PDE5A: variants seen among roughly 807,000 people sequenced by gnomAD.
PDE5A encodes the protein cGMP-specific 3',5'-cyclic phosphodiesterase.
A neutral mutation model predicts 110.2 loss-of-function variants in PDE5A; 67 were observed. The observed-to-expected ratio is 0.61, with a 90% confidence interval of 0.50 to 0.75. The LOEUF (loss-of-function observed/expected upper bound fraction) is 0.75, where lower values mean the gene tolerates loss of function less well. PDE5A is among the 30% of genes least tolerant of loss of function. The pLI, the probability that PDE5A is intolerant of heterozygous loss-of-function variation, is 0.00. For missense variants in PDE5A, 862 were observed against 1,045.1 expected (o/e 0.82, Z 2.42); for synonymous variants, 328 against 351.2 (o/e 0.93, Z 0.74).
chr4:119,525,822 C>A lies in PDE5A; in HGVS notation c.1633-127G>T. ...TTTTTTTCCTTTTTAATGAAAGACA[C>A]TAGAAACCTTTTTGTACAGTGGCAA... is the stretch of plus-strand genomic sequence containing the variant. On this transcript the variant is annotated intron_variant, in intron 11 of 20. Coordinates refer to ENST00000354960, the MANE Select transcript of PDE5A (RefSeq NM_001083.4). This position sits in a 1 kb window ranked among gnomAD's most constrained non-coding sequence, Gnocchi z 4.3. The A allele has an allele frequency of 1.2e-6, 1 of 863,376 alleles. No homozygotes were observed. The highest frequency in any genetic ancestry group is 2.8e-5 in the Admixed American group (1 of 35,478). 53.5% of individuals were successfully genotyped at this position (863,376 alleles called of 1,614,324 possible). A position where few individuals can be genotyped will look rare whatever the true frequency, so the allele number is the denominator to read the frequency against.
Position 119,606,816 on chromosome 4 carries a change from T to C in PDE5A, c.634A>G (p.Thr212Ala), listed in dbSNP as rs1285843267. The change falls in exon 2 of 21, where the codon ACA (threonine) becomes GCA (alanine). Residue 212 changes from threonine (T) to alanine (A), a missense_variant. By Grantham distance (58) the Thr-to-Ala change is moderately conservative. Transcript: ENST00000354960. ...CAGTTATTTGAAACTTCTTCCAGTG[T>C]TGAACCTTCAGCAACATCAAAGAGG... ...SRLFDVAEGSTLEEVSNNCIR... is the reference protein window; with the variant it reads ...SRLFDVAEGSALEEVSNNCIR... 1 of 1,614,212 alleles carries C rather than the reference T, an allele frequency of 6.2e-7. No individual in the cohort carries two copies. Among genetic ancestry groups the C allele is most frequent in the Admixed American group, 1.7e-5 (1 of 60,026 alleles).
intron 16 of PDE5A, among the ~76,000 whole-genome samples, chr4:119,506,219 CAG>C (rs1045475783): frequency 4.6e-5 from 7 of 151,468 alleles, no homozygotes; most frequent in African/African-American, 9.7e-5. Flanking sequence ...AAAAATGAAA[CAG>C]TATGAGTTAA....
chr4:119,607,784 A>C (rs944767915), intron 1 of PDE5A, among the ~76,000 whole-genome samples: 1 of 152,304 alleles, frequency 6.6e-6, no homozygotes, highest in African/African-American at 2.4e-5. Flanking sequence ...AATAGAGGAC[A>C]ATTGCTTTAA....
chr4:119,550,926 T>TA (rs1727331232), intron 9 of PDE5A, among the ~76,000 whole-genome samples: 1 of 152,226 alleles, frequency 6.6e-6, no homozygotes, highest in African/African-American at 2.4e-5. Flanking sequence ...TTGCTTATGT[T>TA]AGAGATCTGA....
At chr4:119,519,904 A>G (rs1726061722) in intron 13 of PDE5A, among the ~76,000 whole-genome samples, 1 of 152,138 alleles carries the variant, frequency 6.6e-6, no homozygotes, top group South Asian at 2.1e-4. Context: ...CTGAAATCCA[A>G]AATGCTTCCA....
At chr4:119,602,101 T>C (rs1160702295) in intron 2 of PDE5A, among the ~76,000 whole-genome samples, 6 of 152,194 alleles carry the variant, frequency 3.9e-5, no homozygotes, top group Non-Finnish European at 2.9e-5. Context: ...CTATGGACTG[T>C]TAATAGTCTT....
rs201435038 is a variant in PDE5A, at chr4:119,607,068, A to G, written c.382T>C (p.Ser128Pro). 4.4e-5 allele frequency: 71 copies of G among 1,614,138 alleles called. 1 individual carries two copies. The South Asian group carries it at 7.2e-4, about 16-fold the overall frequency. ...AGAGGCATCTGTTCCTTCTTTTCTG[A>G]GTCAGAGAGGAAGCTCACAGTTCCC... ...SEGTVSFLSD[S>P]EKKEQMPLTP... Residue 128 changes from serine to proline, a missense_variant, in exon 2 of 21, where the codon TCA becomes CCA. Physicochemically the swap from Ser to Pro is moderately conservative, Grantham distance 74 (BLOSUM62 -1). Transcript: ENST00000354960.
chr4:119,520,029 T>G (rs1412836555), intron 13 of PDE5A, among the ~76,000 whole-genome samples: 2 of 152,094 alleles, frequency 1.3e-5, no homozygotes, highest in Admixed American at 6.6e-5. Flanking sequence ...TTCCAAAGTC[T>G]GAAAAAAATC....
chr4:119,551,651 A>C (rs1303851221), intron 9 of PDE5A, among the ~76,000 whole-genome samples: 1 of 152,154 alleles, frequency 6.6e-6, no homozygotes, highest in African/African-American at 2.4e-5. Flanking sequence ...ACTCTTGCAC[A>C]GAACTTGGAC....
At chr4:119,565,957 ATTAATAT>A (rs1389922614) in intron 4 of PDE5A, among the ~76,000 whole-genome samples, 3 of 134,678 alleles carry the variant, frequency 2.2e-5, no homozygotes, top group Non-Finnish European at 3.3e-5. Context: ...ATTATTATTA[ATTAATAT>A]TATTATAATT....
chr4:119,628,512 C>T lies in PDE5A; in HGVS notation c.152+8G>A. 2.6e-6 allele frequency: 4 copies of T among 1,566,564 alleles called. No individual in the cohort carries two copies. Among genetic ancestry groups the T allele is most frequent in the South Asian group, 1.2e-5 (1 of 83,188 alleles). ...CAGCCCCGGGTCTTCCGTGGGTCCTCTTCTTACCTGGTGGCTTTTCTAACA... is the reference window on the plus strand; with the variant it reads ...CAGCCCCGGGTCTTCCGTGGGTCCTTTTCTTACCTGGTGGCTTTTCTAACA... On this transcript the variant is annotated splice_region_variant and intron_variant, in intron 1 of 20. Coordinates refer to ENST00000354960, the MANE Select transcript of PDE5A (RefSeq NM_001083.4).
At chr4:119,599,759 T>C (rs1000845161) in intron 2 of PDE5A, among the ~76,000 whole-genome samples, 5 of 142,360 alleles carry the variant, frequency 3.5e-5, no homozygotes, top group African/African-American at 1.0e-4. Context: ...ATACATATAT[T>C]TGGAGTCCCA....
chr4:119,544,647 CT>C (rs1020825648), intron 9 of PDE5A, among the ~76,000 whole-genome samples: 1 of 152,142 alleles, frequency 6.6e-6, no homozygotes, highest in African/African-American at 2.4e-5. Context: ...ACTTGATAGC[CT>C]TTTTCATAAA....
chr4:119,599,078 A>G (rs1318479111), intron 2 of PDE5A, among the ~76,000 whole-genome samples: 1 of 152,144 alleles, frequency 6.6e-6, no homozygotes, highest in African/African-American at 2.4e-5. Context: ...ACTCCTTAGG[A>G]GTAAGGACTA....
At chr4:119,622,650 G>T (rs1730190726) in intron 1 of PDE5A, among the ~76,000 whole-genome samples, 1 of 151,962 alleles carries the variant, frequency 6.6e-6, no homozygotes, top group African/African-American at 2.4e-5. Flanking sequence ...GAGGTGGGTG[G>T]ACCACGAGGT....
At chr4:119,578,167 A>G (rs1728438669) in intron 3 of PDE5A, among the ~76,000 whole-genome samples, 1 of 152,170 alleles carries the variant, frequency 6.6e-6, no homozygotes, top group Admixed American at 6.5e-5. Flanking sequence ...ACTACAAACC[A>G]CTGCTCAATG....
intron 3 of PDE5A, among the ~76,000 whole-genome samples, chr4:119,589,154 G>T (rs34676199): frequency 0.1 from 15,607 of 151,956 alleles, 1,030 homozygotes; most frequent in Non-Finnish European, 0.15. Flanking sequence ...AAATTTCAGA[G>T]AATTCAGAGA....
chr4:119,609,160 T>A (rs1729650185), intron 1 of PDE5A, among the ~76,000 whole-genome samples: 2 of 149,652 alleles, frequency 1.3e-5, no homozygotes, highest in Admixed American at 6.7e-5. Flanking sequence ...AGACTCCGTC[T>A]CAAAAAAAAA....
In PDE5A at chr4:119,628,784, C is replaced by G; in HGVS notation, c.-113G>C. On this transcript the variant is annotated 5_prime_UTR_variant, in exon 1 of 21. Transcript: ENST00000354960. Reference sequence around the variant, plus strand: ...CGAGACCCTCCCCCTTCGTCCTGCTCCAGTCGGGCCGGCTTTCGACAAAGC... The same window carrying G: ...CGAGACCCTCCCCCTTCGTCCTGCTGCAGTCGGGCCGGCTTTCGACAAAGC... The G allele has an allele frequency of 2.7e-6, 4 of 1,463,836 alleles. No homozygotes were observed. Among genetic ancestry groups the G allele is most frequent in the South Asian group, 1.2e-5 (1 of 83,306 alleles). The allele number at this position is 1,463,836 out of a possible 1,614,324, so 90.7% of individuals were successfully genotyped here.
Sources: allele counts gnomAD v4.1 joint callset (sites outside exome capture counted in the v4.1 genomes callset), GRCh38; gene constraint gnomAD v4.1.1; non-coding constraint Gnocchi (gnomAD v3.1); transcripts MANE v1.5; gene names NCBI Gene and HGNC (gene_info 2026-07-23, HGNC 2026-07-21).